The following FRMPD4 variants were observed in gnomAD, a reference collection of about 807,000 sequenced individuals.
FRMPD4 encodes FERM and PDZ domain-containing protein 4.
In FRMPD4, 22 loss-of-function variants were observed where a neutral mutation model predicts 94.1. The observed-to-expected ratio is 0.23, with a 90% CI of 0.17 to 0.33. The LOEUF (loss-of-function observed/expected upper bound fraction) is 0.33, where lower values mean the gene tolerates loss of function less well. Among genes scored for constraint, FRMPD4 ranks in the 10% least tolerant of loss-of-function variants. The pLI is 1.00. For synonymous variants in FRMPD4, 631 were observed against 548.6 expected (o/e 1.15, Z -2.10); for missense variants, 1,111 against 1,339.9 (o/e 0.83, Z 2.67).
intron 1 of FRMPD4, among the ~76,000 whole-genome samples, chrX:12,456,054 A>G: frequency 8.9e-6 from 1 of 111,851 alleles, no homozygotes; most frequent in Middle Eastern, 4.6e-3. Flanking sequence ...TAGGCCTCCC[A>G]AAGTGCTGGG....
intron 1 of FRMPD4, among the ~76,000 whole-genome samples, chrX:12,349,627 C>G (rs1233223153): frequency 9.0e-6 from 1 of 111,494 alleles, no homozygotes; most frequent in Non-Finnish European, 1.9e-5. Flanking sequence ...ATCTCTTCAA[C>G]AAGAAATTAA....
At chrX:12,262,518 C>A (rs1379883719) in intron 1 of FRMPD4, among the ~76,000 whole-genome samples, 1 of 111,994 alleles carries the variant, frequency 8.9e-6, no homozygotes, top group Non-Finnish European at 1.9e-5. Flanking sequence ...ATTTAATCAT[C>A]TGTAAATAGG....
intron 3 of FRMPD4, among the ~76,000 whole-genome samples, chrX:11,998,421 A>AG (rs369246869): frequency 9.0e-6 from 1 of 111,617 alleles, no homozygotes; most frequent in African/African-American, 3.3e-5. Flanking sequence ...GTTATTGTGT[A>AG]GGGGGATGAG....
chrX:11,958,388 G>A (rs1446992718), intron 3 of FRMPD4, among the ~76,000 whole-genome samples: 1 of 111,997 alleles, frequency 8.9e-6, no homozygotes, highest in Non-Finnish European at 1.9e-5. Flanking sequence ...CAGTTCTGAT[G>A]AGCTGATCAG....
chrX:11,824,697 T>C (rs976275738), intron 1 of FRMPD4, among the ~76,000 whole-genome samples: 1 of 111,604 alleles, frequency 9.0e-6, no homozygotes, highest in African/African-American at 3.3e-5. Flanking sequence ...GAAGGAGTAG[T>C]CAGTAAGTAG....
intron 3 of FRMPD4, among the ~76,000 whole-genome samples, chrX:11,881,979 G>T (rs1021873310): frequency 9.0e-6 from 1 of 111,300 alleles, no homozygotes; most frequent in Admixed American, 9.6e-5. Flanking sequence ...AAAGTATCCG[G>T]GTGTTGCTGC....
At chrX:12,194,287 G>A (rs1043650922) in intron 1 of FRMPD4, among the ~76,000 whole-genome samples, 2 of 111,022 alleles carry the variant, frequency 1.8e-5, no homozygotes, top group African/African-American at 3.3e-5. Flanking sequence ...TAGATAACAC[G>A]TTTGAAGTAC....
chrX:12,494,594 C>A (rs1235816050), intron 1 of FRMPD4, among the ~76,000 whole-genome samples: 1 of 111,482 alleles, frequency 9.0e-6, no homozygotes, highest in Non-Finnish European at 1.9e-5. Context: ...ACCAAAGAGG[C>A]CTCCAGGTGG....
intron 1 of FRMPD4, among the ~76,000 whole-genome samples, chrX:12,162,242 G>C (rs749931969): frequency 1.1e-4 from 12 of 111,896 alleles, no homozygotes; most frequent in Admixed American, 9.5e-5. Context: ...GTGGGAACAG[G>C]TTTCTCATAT....
At chrX:12,385,093 T>C (rs1185829941) in intron 1 of FRMPD4, among the ~76,000 whole-genome samples, 2 of 112,359 alleles carry the variant, frequency 1.8e-5, no homozygotes, top group African/African-American at 6.5e-5. Flanking sequence ...TGATTCTTTA[T>C]GTTCTGTTTC....
At chrX:12,611,680 G>A (rs1602207118) in intron 3 of FRMPD4, among the ~76,000 whole-genome samples, 2 of 112,369 alleles carry the variant, frequency 1.8e-5, no homozygotes, top group East Asian at 2.8e-4. Flanking sequence ...TTCATTTTTC[G>A]TTTTTCATTA....
chrX:12,282,418 G>A (rs113036637), intron 1 of FRMPD4, among the ~76,000 whole-genome samples: 1,207 of 112,399 alleles, frequency 0.011, 14 homozygotes, highest in African/African-American at 0.037. Context: ...ATATTAATAA[G>A]TTTCTCATCT....
At chrX:12,656,422 C>A (rs2059656800) in intron 4 of FRMPD4, among the ~76,000 whole-genome samples, 1 of 111,893 alleles carries the variant, frequency 8.9e-6, no homozygotes, top group Non-Finnish European at 1.9e-5. Context: ...TACATAGCAG[C>A]ACTATTATTT....
At chrX:11,964,116 T>A (rs1417465830) in intron 3 of FRMPD4, among the ~76,000 whole-genome samples, 1 of 110,832 alleles carries the variant, frequency 9.0e-6, no homozygotes, top group Non-Finnish European at 1.9e-5. Flanking sequence ...ACTACTTGAA[T>A]CAGAATCTGA....
At chrX:12,095,544 C>A in intron 3 of FRMPD4, among the ~76,000 whole-genome samples, 1 of 111,346 alleles carries the variant, frequency 9.0e-6, no homozygotes, top group Admixed American at 9.5e-5. Context: ...GTGACAGAGA[C>A]TATGTTGCCC....
chrX:12,490,966 G>A (rs1223407031), intron 1 of FRMPD4, among the ~76,000 whole-genome samples: 1 of 110,637 alleles, frequency 9.0e-6, no homozygotes, highest in Non-Finnish European at 1.9e-5. Context: ...TGAACACTTA[G>A]GACAAAATGT....
chrX:11,877,463 G>A (rs1488663612), intron 2 of FRMPD4, among the ~76,000 whole-genome samples: 1 of 111,432 alleles, frequency 9.0e-6, no homozygotes, highest in Non-Finnish European at 1.9e-5. Flanking sequence ...TTCAGAAGGT[G>A]CCCCTTCATT....
chrX:11,844,134 T>C (rs2053559102), intron 1 of FRMPD4, among the ~76,000 whole-genome samples: 1 of 105,603 alleles, frequency 9.5e-6, no homozygotes. Flanking sequence ...ACTACAGGCA[T>C]GCGCCATCAC....
chrX:12,302,008 C>G (rs1046046055), intron 1 of FRMPD4, among the ~76,000 whole-genome samples: 2 of 111,983 alleles, frequency 1.8e-5, no homozygotes, highest in Non-Finnish European at 3.8e-5. Context: ...AGCTCCCTAC[C>G]CTTATGGAAG....
Sources: gnomAD v4.1 joint callset for allele counts (sites outside exome capture counted in the v4.1 genomes callset) on GRCh38, gnomAD v4.1.1 for gene constraint, MANE v1.5 for transcripts, NCBI Gene and HGNC (gene_info 2026-07-23, HGNC 2026-07-21) for gene names.